KCND2: variants seen among roughly 807,000 people sequenced by gnomAD.
KCND2 encodes the protein A-type voltage-gated potassium channel KCND2.
KCND2 carries 16 observed loss-of-function variants against 54.4 expected under a neutral mutation model. The ratio of observed to expected loss-of-function variants is 0.29; its 90% CI spans 0.20 to 0.45. The LOEUF is 0.45. KCND2 is among the 20% of genes least tolerant of loss of function. The probability of loss-of-function intolerance (pLI) is 1.00; values close to 1 mark genes in which losing one functional copy is unlikely to be tolerated. For missense variants in KCND2, 486 were observed against 824.2 expected (o/e 0.59, Z 5.02); for synonymous variants, 317 against 310.7 (o/e 1.02, Z -0.21).
At chr7:120,698,850 A>C (rs557903760) in intron 1 of KCND2, among the ~76,000 whole-genome samples, 1 of 152,240 alleles carries the variant, frequency 6.6e-6, no homozygotes, top group Non-Finnish European at 1.5e-5. Flanking sequence ...AAATAAGAAC[A>C]TACCACTGTG....
At position 120,650,898 on chromosome 7, in the gene KCND2, T is replaced by A. The variant is rs566027910; in HGVS notation, c.1116-82005T>A. On this transcript the variant is annotated intron_variant, in intron 1 of 5. Transcript: ENST00000331113. ...AGGTCCACTCCAGACCCTGTTTGCC[T>A]GGGTATCAGCAGCAGAGGCTGCAGA... 5.6e-5 allele frequency among the ~76,000 whole-genome samples: 8 copies of A among 143,736 alleles called. 1 individual carries two copies. The South Asian group carries it at 1.7e-3, about 31-fold the overall frequency. 94.3% of individuals were successfully genotyped at this position (143,736 alleles called of 152,430 possible). A position where few individuals can be genotyped will look rare whatever the true frequency, so the allele number is the denominator to read the frequency against.
intron 1 of KCND2, among the ~76,000 whole-genome samples, chr7:120,349,304 ACAC>A (rs1358360051): frequency 1.0e-5 from 1 of 95,374 alleles, no homozygotes; most frequent in Non-Finnish European, 2.2e-5. Flanking sequence ...CTATACACAC[ACAC>A]AAACACACAC....
At chr7:120,483,406 A>G (rs2116284706) in intron 1 of KCND2, among the ~76,000 whole-genome samples, 1 of 152,332 alleles carries the variant, frequency 6.6e-6, no homozygotes, top group Admixed American at 6.5e-5. Context: ...TCAATTTAAA[A>G]GGTCAGAGCT....
chr7:120,415,854 C>A (rs1051708714), intron 1 of KCND2, among the ~76,000 whole-genome samples: 1 of 152,216 alleles, frequency 6.6e-6, no homozygotes, highest in South Asian at 2.1e-4. Flanking sequence ...CAATACTACA[C>A]CCCTACCTTC....
intron 1 of KCND2, among the ~76,000 whole-genome samples, chr7:120,580,511 T>C (rs1263242922): frequency 2.0e-5 from 3 of 152,130 alleles, no homozygotes; most frequent in Admixed American, 6.6e-5. Context: ...CCAATCAGAA[T>C]CAGGGTACTG....
intron 1 of KCND2, among the ~76,000 whole-genome samples, chr7:120,371,593 C>T (rs1479473995): frequency 1.3e-5 from 2 of 152,004 alleles, no homozygotes; most frequent in Admixed American, 6.6e-5. Flanking sequence ...CACATTCACT[C>T]AATGTTCACT....
chr7:120,374,846 A>C (rs1800815454), intron 1 of KCND2, among the ~76,000 whole-genome samples: 1 of 151,836 alleles, frequency 6.6e-6, no homozygotes, highest in East Asian at 1.9e-4. Flanking sequence ...AGATTTTAGT[A>C]ATCTTTTAAG....
In KCND2 at chr7:120,650,549, G is replaced by A. The variant is rs956586796; in HGVS notation, c.1116-82354G>A. The stretch of plus-strand genomic sequence containing the variant: ...TTTTCAAGGTTTTTAGCTTCTTTGC[G>A]ATGGGTTCGAACTTCCTCCTTTAGC... On this transcript the variant is annotated intron_variant, in intron 1 of 5. Transcript: ENST00000331113. 3.5e-5 allele frequency among the ~76,000 whole-genome samples: 5 copies of A among 143,012 alleles called. No homozygotes were observed. The South Asian group carries it at 8.7e-4, about 25-fold the overall frequency. 93.8% of individuals were successfully genotyped at this position (143,012 alleles called of 152,430 possible).
At chr7:120,666,090 G>T (rs996871896) in intron 1 of KCND2, among the ~76,000 whole-genome samples, 1 of 151,984 alleles carries the variant, frequency 6.6e-6, no homozygotes, top group Non-Finnish European at 1.5e-5. Flanking sequence ...AGATCAAGTA[G>T]GTTTGACAAG....
At chr7:120,399,984 C>T (rs1296739027) in intron 1 of KCND2, among the ~76,000 whole-genome samples, 1 of 152,052 alleles carries the variant, frequency 6.6e-6, no homozygotes, top group Non-Finnish European at 1.5e-5. Context: ...CCTTAGCCTC[C>T]CAAAGTGCTG....
At chr7:120,490,207 A>G (rs145828767) in intron 1 of KCND2, among the ~76,000 whole-genome samples, 274 of 145,836 alleles carry the variant, frequency 1.9e-3, no homozygotes, top group Middle Eastern at 0.01. Flanking sequence ...AAATTACAAC[A>G]ATTTTCCCCA....
chr7:120,517,699 C>A (rs779821379), intron 1 of KCND2, among the ~76,000 whole-genome samples: 2 of 152,148 alleles, frequency 1.3e-5, no homozygotes, highest in Non-Finnish European at 2.9e-5. Flanking sequence ...AATTTTACCA[C>A]TACTGCCAAA....
At chr7:120,474,855 C>T (rs1802511212) in intron 1 of KCND2, among the ~76,000 whole-genome samples, 1 of 152,040 alleles carries the variant, frequency 6.6e-6, no homozygotes, top group African/African-American at 2.4e-5. Flanking sequence ...GCATGATCAT[C>T]TTCATCATCT....
At chr7:120,678,343 TTATATATATATATATATA>T (rs3067141) in intron 1 of KCND2, among the ~76,000 whole-genome samples, 8 of 120,274 alleles carry the variant, frequency 6.7e-5, no homozygotes, top group Non-Finnish European at 1.2e-4. Context: ...GTATGATTAT[TTATATATATATATATATA>T]TATATATATA....
intron 1 of KCND2, among the ~76,000 whole-genome samples, chr7:120,435,590 C>A (rs567986408): frequency 2.6e-4 from 40 of 151,974 alleles, no homozygotes; most frequent in African/African-American, 8.7e-4. Flanking sequence ...AAACGAATAA[C>A]CCTATTACAA....
At chr7:120,519,302 A>G (rs1803246284) in intron 1 of KCND2, among the ~76,000 whole-genome samples, 1 of 152,078 alleles carries the variant, frequency 6.6e-6, no homozygotes, top group African/African-American at 2.4e-5. Context: ...AGCTGAGATC[A>G]CACCACTGCA....
At chr7:120,439,588 A>G (rs973443871) in intron 1 of KCND2, among the ~76,000 whole-genome samples, 1 of 152,080 alleles carries the variant, frequency 6.6e-6, no homozygotes, top group Non-Finnish European at 1.5e-5. Context: ...ACAGTGCTGT[A>G]GAACACTGGA....
chr7:120,458,817 T>C (rs1247395735), intron 1 of KCND2, among the ~76,000 whole-genome samples: 1 of 151,446 alleles, frequency 6.6e-6, no homozygotes, highest in Admixed American at 6.6e-5. Flanking sequence ...TGACTCTTCC[T>C]TCAGATTATA....
intron 1 of KCND2, among the ~76,000 whole-genome samples, chr7:120,378,129 G>A (rs978380306): frequency 4.0e-5 from 6 of 151,724 alleles, no homozygotes; most frequent in Non-Finnish European, 7.4e-5. Flanking sequence ...TCTCTTTTCT[G>A]TATGTATATA....
Sources: allele counts gnomAD v4.1 joint callset (sites outside exome capture counted in the v4.1 genomes callset), GRCh38; gene constraint gnomAD v4.1.1; transcripts MANE v1.5; gene names NCBI Gene and HGNC (gene_info 2026-07-23, HGNC 2026-07-21).